WDFY1: variants seen among roughly 807,000 people sequenced by gnomAD.
The protein encoded by WDFY1 is WD repeat and FYVE domain-containing protein 1.
Under a neutral mutation model 56.4 loss-of-function variants are expected in WDFY1, and 32 were observed. The ratio of observed to expected loss-of-function variants is 0.57; its 90% confidence interval spans 0.43 to 0.76. The LOEUF is 0.76. Among genes scored for constraint, WDFY1 ranks in the 30% least tolerant of loss-of-function variants. The pLI, the probability that WDFY1 is intolerant of heterozygous loss-of-function variation, is 0.00. For missense variants in WDFY1, 480 were observed against 545.7 expected (o/e 0.88, Z 1.20); for synonymous variants, 192 against 197.3 (o/e 0.97, Z 0.23).
chr2:223,898,992 C>T lies in WDFY1; in HGVS notation c.564G>A (p.Thr188=), dbSNP rs761515097. Reference sequence around the variant, plus strand: ...CTTTGAGGGTTGTGATGACTGAACACGTGTTCTGTTCAAGCTTCAGCAGGG... The same window carrying T: ...CTTTGAGGGTTGTGATGACTGAACATGTGTTCTGTTCAAGCTTCAGCAGGG... The part of the protein sequence containing the change: ...QITLLKLEQN[T]CSVITTLKGH... Residue 188 remains threonine (T), a synonymous_variant, in exon 6 of 12, where the codon ACG becomes ACA. Coordinates refer to ENST00000233055, the MANE Select transcript of WDFY1 (RefSeq NM_020830.5). 19 of 1,613,930 alleles carry T rather than the reference C, an allele frequency of 1.2e-5. No individual in the cohort carries two copies. The highest frequency in any genetic ancestry group is 4.5e-5 in the East Asian group (2 of 44,886).
At chr2:223,932,539 A>G (rs1196091865) in intron 1 of WDFY1, among the ~76,000 whole-genome samples, 4 of 152,156 alleles carry the variant, frequency 2.6e-5, no homozygotes, top group Non-Finnish European at 5.9e-5. Context: ...CTGAAACTGA[A>G]TATCTTTTTT....
Position 223,901,192 on chromosome 2 carries a change from G to A in WDFY1, c.476C>T (p.Ser159Leu), listed in dbSNP as rs149201768. The A allele has an allele frequency of 6.6e-4, 1,067 of 1,613,674 alleles. 9 individuals are homozygous for A. Among genetic ancestry groups the A allele is most frequent in the East Asian group, 4.5e-4 (20 of 44,836 alleles). Reference protein sequence around the residue: ...LGRHFFTSWASCLQYDFDTQY... With the variant: ...LGRHFFTSWALCLQYDFDTQY... ...TGGCTCTGAAGGATACTGCAGACAC[G>A]AAGCCCAGGACGTGAAGAAGTGCCT... The change falls in exon 5 of 12, where the codon TCG (serine) becomes TTG (leucine). Residue 159 changes from serine (S) to leucine (L), a missense_variant. Coordinates refer to ENST00000233055, the MANE Select transcript of WDFY1 (RefSeq NM_020830.5).
At chr2:223,912,097 G>A (rs1043377188) in intron 3 of WDFY1, among the ~76,000 whole-genome samples, 156 bp downstream of exon 3, 3 of 152,110 alleles carry the variant, frequency 2.0e-5, no homozygotes, top group Admixed American at 1.3e-4. Context: ...TTACAGATGT[G>A]AGCCACTGTG....
chr2:223,929,114 A>T (rs1259882290), intron 1 of WDFY1, among the ~76,000 whole-genome samples: 3 of 151,986 alleles, frequency 2.0e-5, no homozygotes, highest in Admixed American at 2.0e-4. Context: ...CCTGAAAGTT[A>T]TAAGGCAATA....
intron 1 of WDFY1, among the ~76,000 whole-genome samples, chr2:223,921,049 G>A (rs889043324): frequency 6.6e-6 from 1 of 152,170 alleles, no homozygotes; most frequent in Non-Finnish European, 1.5e-5. Context: ...TGCTTCTGGG[G>A]TAAGAGGAGG....
At chr2:223,887,713 C>T (rs1693195366) in intron 8 of WDFY1, among the ~76,000 whole-genome samples, 1 of 152,092 alleles carries the variant, frequency 6.6e-6, no homozygotes. Flanking sequence ...TCAGAAATCT[C>T]GCTCTCAACC....
At chr2:223,906,499 G>A (rs535714741) in intron 3 of WDFY1, among the ~76,000 whole-genome samples, 266 of 152,006 alleles carry the variant, frequency 1.7e-3, no homozygotes, top group Non-Finnish European at 3.0e-3. Flanking sequence ...GATTGTGGGT[G>A]GTTTTTGTCT....
At chr2:223,937,691 G>T (rs904256099) in intron 1 of WDFY1, among the ~76,000 whole-genome samples, 9 of 152,202 alleles carry the variant, frequency 5.9e-5, no homozygotes, top group Non-Finnish European at 1.2e-4. Context: ...GAAAATGATT[G>T]TAACAATGAA....
intron 1 of WDFY1, among the ~76,000 whole-genome samples, chr2:223,924,135 A>G (rs928530656): frequency 6.6e-6 from 1 of 152,198 alleles, no homozygotes; most frequent in Non-Finnish European, 1.5e-5. Context: ...TTTCCAAAAG[A>G]TCCTTAGAAA....
chr2:223,917,110 G>C (rs549898096), intron 2 of WDFY1, among the ~76,000 whole-genome samples: 1 of 151,966 alleles, frequency 6.6e-6, no homozygotes, highest in Admixed American at 6.5e-5. Context: ...CACCAAGCCC[G>C]GCCTCCAGGG....
intron 2 of WDFY1, among the ~76,000 whole-genome samples, chr2:223,917,578 C>T (rs657082): frequency 0.86 from 131,489 of 152,104 alleles, 57,302 homozygotes; most frequent in Non-Finnish European, 0.93. Context: ...TTGAAACTTA[C>T]TTATTTTTTT....
chr2:223,896,851 G>T (rs113018545), intron 6 of WDFY1, among the ~76,000 whole-genome samples: 3,217 of 152,214 alleles, frequency 0.021, 49 homozygotes, highest in Non-Finnish European at 0.035. Flanking sequence ...TTCAGTTAGA[G>T]GCTTAAGAGC....
At chr2:223,930,423 G>T (rs528567835) in intron 1 of WDFY1, among the ~76,000 whole-genome samples, 1 of 152,168 alleles carries the variant, frequency 6.6e-6, no homozygotes. Context: ...TCCGCCTACC[G>T]GGTTCAGGCG....
intron 4 of WDFY1, among the ~76,000 whole-genome samples, chr2:223,904,276 G>A (rs650137): frequency 0.93 from 141,396 of 151,968 alleles, 65,847 homozygotes; most frequent in South Asian, 0.96. Context: ...TTTTGAGAAG[G>A]AGTCTCGCTC....
chr2:223,931,503 A>G (rs1694071916), intron 1 of WDFY1, among the ~76,000 whole-genome samples: 1 of 152,204 alleles, frequency 6.6e-6, no homozygotes, highest in South Asian at 2.1e-4. Context: ...AAACTCTATC[A>G]AAGAGCCAAT....
intron 3 of WDFY1, among the ~76,000 whole-genome samples, chr2:223,907,050 C>T (rs1693608849): frequency 6.6e-6 from 1 of 151,968 alleles, no homozygotes; most frequent in South Asian, 2.1e-4. Flanking sequence ...TCTCAGCTCA[C>T]TGTAACCTCT....
chr2:223,908,344 C>T (rs1693637058), intron 3 of WDFY1, among the ~76,000 whole-genome samples: 2 of 152,202 alleles, frequency 1.3e-5, no homozygotes, highest in African/African-American at 4.8e-5. Context: ...CTCACCAGGG[C>T]TACCCCACTG....
At position 223,880,197 on chromosome 2, in the gene WDFY1, T is replaced by C; in HGVS notation, c.1100A>G (p.His367Arg). The C allele has an allele frequency of 1.2e-6, 2 of 1,614,142 alleles. No homozygotes were observed. Among genetic ancestry groups the C allele is most frequent in the Non-Finnish European group, 1.7e-6 (2 of 1,179,992 alleles). The part of the protein sequence containing the change: ...TSLATFHEGK[H>R]NISHMSMDIA... ...GTCCATGGACATGTGGGAAATGTTA[T>C]GTTTTCCTTCATGAAAGGTCGCTAG... Residue 367 changes from histidine (H) to arginine (R), a missense_variant, in exon 11 of 12, where the codon CAT becomes CGT. By Grantham distance (29) the His-to-Arg change is conservative. Coordinates refer to ENST00000233055, the MANE Select transcript of WDFY1 (RefSeq NM_020830.5).
At chr2:223,879,624 C>T (rs947303702) in intron 11 of WDFY1, among the ~76,000 whole-genome samples, 4 of 151,384 alleles carry the variant, frequency 2.6e-5, no homozygotes, top group Middle Eastern at 3.2e-3. Flanking sequence ...TGTGCCACTG[C>T]ACTCCAGCCT....
Sources: gnomAD v4.1 joint callset for allele counts (sites outside exome capture counted in the v4.1 genomes callset) on GRCh38, gnomAD v4.1.1 for gene constraint, MANE v1.5 for transcripts, NCBI Gene and HGNC (gene_info 2026-07-23, HGNC 2026-07-21) for gene names.